Variants in GOLGA4 observed in about 807,000 individuals in gnomAD.
The protein encoded by GOLGA4 is golgin subfamily A member 4.
GOLGA4 carries 169 observed loss-of-function variants against 265.9 expected under a neutral mutation model. The ratio of observed to expected loss-of-function variants is 0.64; its 90% CI spans 0.56 to 0.72. GOLGA4 has a LOEUF of 0.72. GOLGA4 is among the 30% of genes least tolerant of loss of function. The pLI is 0.00. For synonymous variants in GOLGA4, 923 were observed against 855.8 expected (o/e 1.08, Z -1.37); for missense variants, 2,482 against 2,483.4 (o/e 1.00, Z 0.01).
rs79142760 is a variant in GOLGA4 at position 37,333,026 on chromosome 3, G to C, written c.6193-2027G>C. On this transcript the variant is annotated intron_variant, in intron 16 of 23. Coordinates refer to ENST00000361924, the MANE Select transcript of GOLGA4 (RefSeq NM_002078.5). ...CTGGAGATTTTGTTCTTCTCTAGTC[G>C]TGAGAATCTGGCCCAGTGCCTGGCA... Among the ~76,000 whole-genome samples, 39 of 152,142 alleles carry C rather than the reference G, an allele frequency of 2.6e-4. 2 individuals are homozygous for C. The highest frequency in any genetic ancestry group is 2.0e-4 in the Admixed American group (3 of 15,284).
chr3:37,344,550 C>T (rs1423966838), intron 20 of GOLGA4, among the ~76,000 whole-genome samples: 2 of 124,824 alleles, frequency 1.6e-5, no homozygotes, highest in Non-Finnish European at 3.2e-5. Context: ...CCAGTCTAGT[C>T]TTGAACTCCT....
intron 4 of GOLGA4, among the ~76,000 whole-genome samples, chr3:37,287,848 G>C (rs1257106950): frequency 2.0e-5 from 3 of 152,066 alleles, no homozygotes; most frequent in Admixed American, 2.0e-4. Flanking sequence ...TACTCCCTTG[G>C]TCATAGGTAA....
chr3:37,340,142 C>A lies in GOLGA4; in HGVS notation c.6415C>A (p.Arg2139Ser), dbSNP rs748895047. ...TTTTTAGATTCACAATTTAGAAGACCGTTTGAAGAAATATGAAAAGAATGT... is the reference window on the plus strand; with the variant it reads ...TTTTTAGATTCACAATTTAGAAGACAGTTTGAAGAAATATGAAAAGAATGT... The part of the protein sequence containing the change: ...FREQIHNLED[R>S]LKKYEKNVYA... Residue 2139 changes from arginine to serine, a missense_variant, in exon 20 of 24, where the codon CGT (arginine) becomes AGT (serine). By Grantham distance (110) the Arg-to-Ser change is moderately radical. Around this residue, in one of 3 missense-constraint regions of GOLGA4, gnomAD observed 942 missense variants for 983.1 expected, o/e 0.96. Coordinates refer to ENST00000361924, the MANE Select transcript of GOLGA4 (RefSeq NM_002078.5). 2 of 1,361,768 alleles carry A rather than the reference C, an allele frequency of 1.5e-6. No individual in the cohort carries two copies. Among genetic ancestry groups the A allele is most frequent in the South Asian group, 1.2e-5 (1 of 81,848 alleles). The allele number at this position is 1,361,768 out of a possible 1,614,324, so 84.4% of individuals were successfully genotyped here. A position where few individuals can be genotyped will look rare whatever the true frequency, so the allele number is the denominator to read the frequency against.
chr3:37,338,980 G>T (rs989177631), intron 19 of GOLGA4, among the ~76,000 whole-genome samples: 2 of 150,682 alleles, frequency 1.3e-5, no homozygotes, highest in African/African-American at 2.4e-5. Flanking sequence ...TCCTGCCTCA[G>T]CCTGCTGAGT....
At chr3:37,250,587 A>T (rs551116003) in intron 1 of GOLGA4, 44 of 152,276 alleles carry the variant, frequency 2.9e-4, no homozygotes, top group African/African-American at 1.1e-3. Context: ...GCCTTTTGTA[A>T]AGTGCAGACT....
intron 10 of GOLGA4, among the ~76,000 whole-genome samples, chr3:37,307,894 G>C (rs896510234): frequency 6.6e-6 from 1 of 152,158 alleles, no homozygotes; most frequent in African/African-American, 2.4e-5. Flanking sequence ...ACATTAGCCT[G>C]ATGTTTTCAA....
At chr3:37,319,438 A>G (rs1318681227) in intron 12 of GOLGA4, 1 of 230,782 alleles carries the variant, frequency 4.3e-6, no homozygotes, top group Non-Finnish European at 8.6e-6. Context: ...TCTGTTGCCT[A>G]GGCTAGAGTG....
intron 2 of GOLGA4, chr3:37,267,047 A>G: frequency 2.5e-6 from 1 of 401,076 alleles, no homozygotes; most frequent in Admixed American, 3.1e-5. Context: ...CTCTCAAAGT[A>G]TCTTCAGTGT....
intron 2 of GOLGA4, among the ~76,000 whole-genome samples, chr3:37,262,279 G>A: frequency 6.6e-6 from 1 of 152,196 alleles, no homozygotes; most frequent in Non-Finnish European, 1.5e-5. Context: ...GCCAAGGCGG[G>A]CAGATCACTT....
In GOLGA4 at chr3:37,280,548, T is replaced by TTCAAA. The variant is rs2096832069; in HGVS notation, c.163-1410_163-1409insTCAAA. On this transcript the variant is annotated intron_variant, in intron 2 of 23. Transcript: ENST00000361924. ...TCTGAAAAAAATCTGAAATCCAAAA[T>TTCAAA]ACCTGGTTCCAAGCTTTTTGAATAA... Among the ~76,000 whole-genome samples, 5 of 152,332 alleles carry TTCAAA rather than the reference T, an allele frequency of 3.3e-5. 1 individual carries two copies. Among genetic ancestry groups the TTCAAA allele is most frequent in the African/African-American group, 1.2e-4 (5 of 41,574 alleles).
chr3:37,249,437 C>T (rs965317123), intron 1 of GOLGA4, among the ~76,000 whole-genome samples: 2 of 151,210 alleles, frequency 1.3e-5, no homozygotes, highest in African/African-American at 4.9e-5. Flanking sequence ...TTTTTTGAGA[C>T]GGAGTCTTGC....
intron 16 of GOLGA4, among the ~76,000 whole-genome samples, chr3:37,334,137 T>C (rs1402411676): frequency 1.3e-5 from 2 of 152,186 alleles, no homozygotes; most frequent in Non-Finnish European, 1.5e-5. Flanking sequence ...GGTTGCCCTG[T>C]ACAATAAATC....
At position 37,337,684 on chromosome 3, in the gene GOLGA4, A is replaced by G; in HGVS notation, c.6346A>G (p.Thr2116Ala). 1.2e-6 allele frequency: 2 copies of G among 1,611,542 alleles called. No homozygotes were observed. Among genetic ancestry groups the G allele is most frequent in the South Asian group, 1.1e-5 (1 of 91,038 alleles). ...CTTTCAGACACAGCTAGCACAGAAG[A>G]CGACTTTAATCAGTGATTCGAAATT... is the stretch of plus-strand genomic sequence containing the variant. ...MELQTQLAQK[T>A]TLISDSKLKE... The change falls in exon 19 of 24, where the codon ACG becomes GCG. Residue 2116 changes from threonine to alanine, a missense_variant. By Grantham distance (58) the Thr-to-Ala change is moderately conservative. Around this residue, in one of 3 missense-constraint regions of GOLGA4, gnomAD observed 942 missense variants for 983.1 expected, o/e 0.96. Transcript: ENST00000361924.
rs142138460 is a variant in GOLGA4 at position 37,328,609 on chromosome 3, A to T, written c.6061+72A>T. 73 of 1,316,102 alleles carry T rather than the reference A, an allele frequency of 5.5e-5. 1 individual carries two copies. The East Asian group carries it at 1.7e-3, about 30-fold the overall frequency. 81.5% of individuals were successfully genotyped at this position (1,316,102 alleles called of 1,614,324 possible). A position where few individuals can be genotyped will look rare whatever the true frequency, so the allele number is the denominator to read the frequency against. On this transcript the variant is annotated intron_variant, in intron 15 of 23. Coordinates refer to ENST00000361924, the MANE Select transcript of GOLGA4 (RefSeq NM_002078.5). ...TATAATTTAAGCTTATCATTTTTGC[A>T]GTGGTGGTAAGTGCATTAAGTCATT...
rs753578692 is a variant in GOLGA4, at chr3:37,326,070, C to G, written c.4184C>G (p.Ala1395Gly). 4.3e-6 allele frequency: 7 copies of G among 1,612,646 alleles called. No homozygotes were observed. Among genetic ancestry groups the G allele is most frequent in the Non-Finnish European group, 5.9e-6 (7 of 1,178,756 alleles). The change falls in exon 14 of 24, where the codon GCC becomes GGC. Residue 1395 changes from alanine to glycine, a missense_variant. Physicochemically the swap from Ala to Gly is moderately conservative, Grantham distance 60. This residue lies in a region of GOLGA4 where 942 missense variants were observed against 983.1 expected (regional missense o/e 0.96). Transcript: ENST00000361924. ...NSISLSEKEA[A>G]ISSLRKQYDE... The stretch of plus-strand genomic sequence containing the variant: ...ATCAGCCTATCCGAAAAAGAAGCAG[C>G]CATTTCATCACTAAGAAAGCAGTAT...
At chr3:37,343,025 A>T (rs1045938184) in intron 20 of GOLGA4, among the ~76,000 whole-genome samples, 8 of 151,924 alleles carry the variant, frequency 5.3e-5, no homozygotes, top group Admixed American at 2.0e-4. Context: ...TCAGTTTCCC[A>T]ACTAGCTGGG....
intron 2 of GOLGA4, chr3:37,275,574 C>T (rs1042583876): frequency 3.7e-5 from 43 of 1,173,124 alleles, no homozygotes; most frequent in Admixed American, 2.7e-4. Context: ...GGCCTAGGCC[C>T]GGGCCTGCGG....
Position 37,282,285 on chromosome 3 carries a change from C to A in GOLGA4, c.477+13C>A, listed in dbSNP as rs766652748. ...AAAATATTCTGAGGTAGGAGCATGACCTTTTTGCCTGTACAAAAATTTCTT... is the reference window on the plus strand; with the variant it reads ...AAAATATTCTGAGGTAGGAGCATGAACTTTTTGCCTGTACAAAAATTTCTT... On this transcript the variant is annotated intron_variant, in intron 3 of 23. Transcript: ENST00000361924. The A allele has an allele frequency of 6.3e-7, 1 of 1,599,464 alleles. No homozygotes were observed. The highest frequency in any genetic ancestry group is 1.1e-5 in the South Asian group (1 of 90,134).
intron 6 of GOLGA4, 150 bp downstream of exon 6, chr3:37,295,227 AT>A (rs2096875014): frequency 1.2e-4 from 63 of 516,352 alleles, no homozygotes; most frequent in East Asian, 2.3e-4. Flanking sequence ...TTTATTTTTA[AT>A]TTTTTTTGAG....
Sources: allele counts gnomAD v4.1 joint callset (sites outside exome capture counted in the v4.1 genomes callset), GRCh38; gene constraint gnomAD v4.1.1; regional missense constraint gnomAD v4.1.1; transcripts MANE v1.5; gene names NCBI Gene and HGNC (gene_info 2026-07-23, HGNC 2026-07-21).